The following MEI4 variants were observed in gnomAD, a reference collection of about 807,000 sequenced individuals.
MEI4 encodes meiotic double-stranded break formation protein 4, also known as meiosis-specific protein MEI4.
In MEI4, 27 loss-of-function variants were observed where a neutral mutation model predicts 31.4. The observed-to-expected ratio is 0.86, with a 90% CI of 0.63 to 1.19. The LOEUF (loss-of-function observed/expected upper bound fraction) is 1.19, where lower values mean the gene tolerates loss of function less well. MEI4 is among the 50% of genes most tolerant of loss of function. The pLI, the probability that MEI4 is intolerant of heterozygous loss-of-function variation, is 0.00. For missense variants in MEI4, 329 were observed against 398.9 expected (o/e 0.82, Z 1.49); for synonymous variants, 122 against 145.4 (o/e 0.84, Z 1.16).
intron 3 of MEI4, among the ~76,000 whole-genome samples, chr6:77,800,169 A>C (rs1769207611): frequency 1.3e-5 from 2 of 151,916 alleles, no homozygotes; most frequent in Non-Finnish European, 2.9e-5. Flanking sequence ...CTTTTATTTC[A>C]TTGAGCAGTG....
In MEI4 at chr6:77,815,275, C is replaced by A. The variant is rs189802660; in HGVS notation, c.769-13656C>A. Among the ~76,000 whole-genome samples, 27 of 152,096 alleles carry A rather than the reference C, an allele frequency of 1.8e-4. No individual in the cohort carries two copies. The East Asian group carries it at 5.2e-3, about 29-fold the overall frequency. ...GGAGCCAGATGTTAACAAACTTAGG[C>A]AAATTATAACTAATATCCGAGATCC... On this transcript the variant is annotated intron_variant, in intron 3 of 4. Transcript: ENST00000684080.
intron 2 of MEI4, among the ~76,000 whole-genome samples, chr6:77,754,073 G>A (rs1767852064): frequency 6.6e-6 from 1 of 151,998 alleles, no homozygotes; most frequent in Non-Finnish European, 1.5e-5. Flanking sequence ...ACACAGGGAG[G>A]GGAACATCAC....
chr6:77,792,847 G>C (rs1043001368), intron 3 of MEI4, among the ~76,000 whole-genome samples: 1 of 151,842 alleles, frequency 6.6e-6, no homozygotes, highest in Non-Finnish European at 1.5e-5. Flanking sequence ...CGAGTAGCTG[G>C]GACTACAGGT....
At chr6:77,656,946 TTG>T (rs1430715460) in intron 1 of MEI4, among the ~76,000 whole-genome samples, 2 of 152,196 alleles carry the variant, frequency 1.3e-5, no homozygotes, top group African/African-American at 4.8e-5. Flanking sequence ...AAAACCAAAA[TTG>T]TGTTACCTGA....
At position 77,839,475 on chromosome 6, in the gene MEI4, T is replaced by A. The variant is rs115629242; in HGVS notation, c.900+10413T>A. ...TCCTTAATTCTATGTAGGAAGGATA[T>A]AATTTCCAGACTCACCCCTGACCTG... On this transcript the variant is annotated intron_variant, in intron 4 of 4. Transcript: ENST00000684080. Among the ~76,000 whole-genome samples, 1,430 of 152,190 alleles carry A rather than the reference T, an allele frequency of 9.4e-3. 18 individuals carry two copies. Among genetic ancestry groups the A allele is most frequent in the African/African-American group, 0.032 (1,330 of 41,522 alleles).
Position 77,788,435 on chromosome 6 carries a change from T to G in MEI4, c.768+26770T>G, listed in dbSNP as rs959533874. ...AGGCAGGAGAAGGAAATAAAGGGCATTCAATTAGGAAAAGAGGAAGTCAGA... is the reference window on the plus strand; with the variant it reads ...AGGCAGGAGAAGGAAATAAAGGGCAGTCAATTAGGAAAAGAGGAAGTCAGA... On this transcript the variant is annotated intron_variant, in intron 3 of 4. Transcript: ENST00000684080. 2.0e-5 allele frequency among the ~76,000 whole-genome samples: 3 copies of G among 152,296 alleles called. 1 individual carries two copies. Among genetic ancestry groups the G allele is most frequent in the South Asian group, 4.2e-4 (2 of 4,814 alleles).
At chr6:77,909,103 C>G (rs979039565) in intron 4 of MEI4, among the ~76,000 whole-genome samples, 1 of 152,044 alleles carries the variant, frequency 6.6e-6, no homozygotes, top group East Asian at 1.9e-4. Flanking sequence ...ATAGTTGGAA[C>G]TAAAGCACTC....
At chr6:77,689,307 TATTC>T (rs1321747567) in intron 1 of MEI4, among the ~76,000 whole-genome samples, 1 of 152,096 alleles carries the variant, frequency 6.6e-6, no homozygotes, top group African/African-American at 2.4e-5. Flanking sequence ...GGCTAAGTAA[TATTC>T]ATTTGTATAG....
At chr6:77,899,366 A>C (rs1347584050) in intron 4 of MEI4, among the ~76,000 whole-genome samples, 2 of 151,440 alleles carry the variant, frequency 1.3e-5, no homozygotes, top group Middle Eastern at 6.8e-3. Context: ...CCAGAAAATT[A>C]TCTCATTCTC....
At chr6:77,846,044 C>T (rs1770475684) in intron 4 of MEI4, among the ~76,000 whole-genome samples, 1 of 151,814 alleles carries the variant, frequency 6.6e-6, no homozygotes, top group Non-Finnish European at 1.5e-5. Context: ...GTGAATTTCT[C>T]AAAATTTTTC....
intron 2 of MEI4, among the ~76,000 whole-genome samples, chr6:77,731,593 A>G (rs1766994124): frequency 6.6e-6 from 1 of 151,246 alleles, no homozygotes; most frequent in South Asian, 2.1e-4. Context: ...GTTCACTCTG[A>G]TGGTAGTTTC....
intron 3 of MEI4, among the ~76,000 whole-genome samples, chr6:77,806,032 G>T (rs138896154): frequency 6.6e-6 from 1 of 152,008 alleles, no homozygotes; most frequent in South Asian, 2.1e-4. Flanking sequence ...AATCCCTTTC[G>T]TCTGGCTTGT....
intron 4 of MEI4, among the ~76,000 whole-genome samples, chr6:77,886,654 A>G (rs1373835985): frequency 6.6e-6 from 1 of 152,046 alleles, no homozygotes; most frequent in Admixed American, 6.6e-5. Context: ...GCTGGTCTTG[A>G]ACTCCCAACC....
At chr6:77,901,355 C>A (rs986845340) in intron 4 of MEI4, among the ~76,000 whole-genome samples, 1 of 151,980 alleles carries the variant, frequency 6.6e-6, no homozygotes, top group African/African-American at 2.4e-5. Flanking sequence ...GTTCCCTTTT[C>A]TCCATACCCT....
At chr6:77,826,736 A>C (rs1329056557) in intron 3 of MEI4, among the ~76,000 whole-genome samples, 1 of 146,508 alleles carries the variant, frequency 6.8e-6, no homozygotes, top group East Asian at 1.9e-4. Flanking sequence ...AATAAGTGTC[A>C]GGGGCAGTGT....
intron 3 of MEI4, among the ~76,000 whole-genome samples, chr6:77,781,445 C>T (rs1011741239): frequency 4.6e-5 from 7 of 152,056 alleles, no homozygotes; most frequent in Non-Finnish European, 7.4e-5. Context: ...GGTCCATAAA[C>T]GAACCATGTT....
At chr6:77,804,056 C>A (rs188368676) in intron 3 of MEI4, among the ~76,000 whole-genome samples, 28 of 152,302 alleles carry the variant, frequency 1.8e-4, no homozygotes, top group African/African-American at 6.7e-4. Flanking sequence ...TTTGGCTATG[C>A]CCTAGCCCCA....
intron 3 of MEI4, among the ~76,000 whole-genome samples, chr6:77,766,615 T>C (rs1196295203): frequency 6.6e-6 from 1 of 152,086 alleles, no homozygotes; most frequent in Non-Finnish European, 1.5e-5. Context: ...GGTTTCACCG[T>C]GTTAGCCAGG....
chr6:77,729,181 C>T (rs187620982), intron 2 of MEI4, among the ~76,000 whole-genome samples: 1 of 152,240 alleles, frequency 6.6e-6, no homozygotes, highest in Admixed American at 6.5e-5. Context: ...ATAAATGGGA[C>T]ATATCCTACT....
Sources: gnomAD v4.1 joint callset for allele counts (sites outside exome capture counted in the v4.1 genomes callset) on GRCh38, gnomAD v4.1.1 for gene constraint, MANE v1.5 for transcripts, NCBI Gene and HGNC (gene_info 2026-07-23, HGNC 2026-07-21) for gene names.